The following CCAR1 variants were observed in gnomAD, a reference collection of about 807,000 sequenced individuals.
The protein encoded by CCAR1 is cell division cycle and apoptosis regulator protein 1.
In CCAR1, 78 loss-of-function variants were observed where a neutral mutation model predicts 163.8. The ratio of observed to expected loss-of-function variants is 0.48; its 90% CI spans 0.40 to 0.57. The LOEUF (loss-of-function observed/expected upper bound fraction) is 0.57, where lower values mean the gene tolerates loss of function less well. Among genes scored for constraint, CCAR1 ranks in the 20% least tolerant of loss-of-function variants. The probability of loss-of-function intolerance (pLI) is 0.00; values close to 1 mark genes in which losing one functional copy is unlikely to be tolerated. For missense variants in CCAR1, 1,019 were observed against 1,365.2 expected, an observed-to-expected ratio of 0.75 and a Z score of 4.00; for synonymous variants, 443 against 460.7, an observed-to-expected ratio of 0.96 and a Z score of 0.49.
chr10:68,724,612 A>G (rs1226383923), intron 2 of CCAR1, among the ~76,000 whole-genome samples: 1 of 151,950 alleles, frequency 6.6e-6, no homozygotes, highest in Non-Finnish European at 1.5e-5. Flanking sequence ...TTAAAGTTGA[A>G]AAACTACATT....
rs1564541740 is a variant in CCAR1, at chr10:68,758,649, A to ATATATATATATATGTATATATACACACG, written c.1920+1274_1920+1301dup. Among the ~76,000 whole-genome samples, 30 of 80,034 alleles carry ATATATATATATATGTATATATACACACG rather than the reference A, an allele frequency of 3.7e-4. 2 individuals carry two copies. The South Asian group carries it at 0.011, about 29-fold the overall frequency. 52.5% of individuals were successfully genotyped at this position (80,034 alleles called of 152,430 possible). On this transcript the variant is annotated intron_variant, in intron 15 of 24. Coordinates refer to ENST00000265872, the MANE Select transcript of CCAR1 (RefSeq NM_018237.4). ...TATATATGTATATATACACACGTGT[A>ATATATATATATATGTATATATACACACG]TATATATATATATGTATATATACAC...
At chr10:68,751,317 A>G (rs375589586) in intron 10 of CCAR1, among the ~76,000 whole-genome samples, 3 of 151,882 alleles carry the variant, frequency 2.0e-5, no homozygotes, top group Admixed American at 2.0e-4. Context: ...GTGAGCCACC[A>G]TGCCTGGCCC....
At chr10:68,748,226 C>T (rs900962958) in intron 8 of CCAR1, among the ~76,000 whole-genome samples, 3 of 152,144 alleles carry the variant, frequency 2.0e-5, no homozygotes, top group South Asian at 2.1e-4. Flanking sequence ...ACCGTAATCC[C>T]AGCACTTTTG....
At chr10:68,755,915 C>G (rs1589169725) in intron 13 of CCAR1, among the ~76,000 whole-genome samples, 1 of 152,276 alleles carries the variant, frequency 6.6e-6, no homozygotes, top group Middle Eastern at 3.4e-3. Context: ...CATATTTTCT[C>G]TTGAGGCTTA....
In CCAR1 at chr10:68,737,048, G is replaced by A; in HGVS notation, c.246G>A (p.Gln82=). ...CAGCTGCAGCAGCTGCATTACAACA[G>A]GTAAATCTTTAATATGTCTTATTAT... ...QAAAAAAALQ[Q]QYSQPQQALY... Residue 82 remains glutamine (Q), a splice_region_variant and synonymous_variant, in exon 3 of 25, where the codon CAG becomes CAA. Transcript: ENST00000265872. 1 of 1,607,862 alleles carries A rather than the reference G, an allele frequency of 6.2e-7. No homozygotes were observed. The highest frequency in any genetic ancestry group is 8.5e-7 in the Non-Finnish European group (1 of 1,175,446).
chr10:68,758,690 T>TA (rs199814228), intron 15 of CCAR1, among the ~76,000 whole-genome samples: 235 of 14,262 alleles, frequency 0.016, 2 homozygotes, highest in South Asian at 0.12. Context: ...TATATATATA[T>TA]TTTTTTTTTT....
chr10:68,727,306 A>G (rs1213958057), intron 2 of CCAR1, among the ~76,000 whole-genome samples: 2 of 151,850 alleles, frequency 1.3e-5, no homozygotes, highest in African/African-American at 4.8e-5. Flanking sequence ...TGAATTCCTG[A>G]GCTCAGACAA....
chr10:68,771,763 A>C (rs2133399329), intron 18 of CCAR1, among the ~76,000 whole-genome samples: 2 of 152,110 alleles, frequency 1.3e-5, no homozygotes, highest in Admixed American at 1.3e-4. Context: ...AGCCTGGGTG[A>C]CATAGCGAGA....
chr10:68,750,855 A>G (rs577489221), intron 10 of CCAR1, among the ~76,000 whole-genome samples: 1 of 152,294 alleles, frequency 6.6e-6, no homozygotes, highest in South Asian at 2.1e-4. Context: ...ATACTTGCCT[A>G]TCAGAGGTCA....
intron 4 of CCAR1, among the ~76,000 whole-genome samples, chr10:68,739,124 G>C (rs1487802057): frequency 6.6e-6 from 1 of 152,158 alleles, no homozygotes; most frequent in African/African-American, 2.4e-5. Flanking sequence ...ATATGCTTTA[G>C]TCTAAGCATG....
chr10:68,724,972 C>G, intron 2 of CCAR1, among the ~76,000 whole-genome samples: 1 of 152,008 alleles, frequency 6.6e-6, no homozygotes, highest in East Asian at 1.9e-4. Flanking sequence ...AACCCCGTCT[C>G]TACTAAAAAT....
At chr10:68,771,043 A>G (rs896569145) in intron 17 of CCAR1, among the ~76,000 whole-genome samples, 163 bp from the exon 18 acceptor site, 10 of 151,988 alleles carry the variant, frequency 6.6e-5, no homozygotes, top group Admixed American at 3.3e-4. Context: ...GTGCCGCTGC[A>G]CTCCAGCCTG....
rs144648961 is a variant in CCAR1, at chr10:68,742,522, A to G, written c.471A>G (p.Leu157=). ...QRVFTGVVTK[L]HDTFGFVDED... ...TTTTCACAGGGGTGGTTACAAAACT[A>G]CATGATACGTTTGGATTTGTGGATG... is the stretch of plus-strand genomic sequence containing the variant. Residue 157 remains leucine (L), a synonymous_variant, in exon 6 of 25, where the codon CTA becomes CTG. Coordinates refer to ENST00000265872, the MANE Select transcript of CCAR1 (RefSeq NM_018237.4). 3.1e-6 allele frequency: 5 copies of G among 1,614,194 alleles called. No individual in the cohort carries two copies. The East Asian group carries it at 8.9e-5, about 29-fold the overall frequency.
In CCAR1 at chr10:68,750,021, T is replaced by C. The variant is rs182053586; in HGVS notation, c.1118+336T>C. On this transcript the variant is annotated intron_variant, in intron 10 of 24. Transcript: ENST00000265872. ...TCCATTGTGTATGATAAAGCAATAA[T>C]AGAGTAGTAAACTGATTAATTTCAA... Among the ~76,000 whole-genome samples the C allele has an allele frequency of 2.8e-3, 420 of 152,168 alleles. 3 individuals are homozygous for C. The highest frequency in any genetic ancestry group is 9.4e-3 in the African/African-American group (392 of 41,524).
At chr10:68,760,265 A>G (rs1488791398) in intron 15 of CCAR1, among the ~76,000 whole-genome samples, 1 of 152,110 alleles carries the variant, frequency 6.6e-6, no homozygotes, top group Non-Finnish European at 1.5e-5. Flanking sequence ...TTCCCATCTC[A>G]GCCTCCCAAG....
Position 68,756,326 on chromosome 10 carries a change from G to A in CCAR1, c.1679G>A (p.Arg560His), listed in dbSNP as rs754996983. Residue 560 changes from arginine to histidine, a missense_variant, in exon 14 of 25, where the codon CGT becomes CAT. Coordinates refer to ENST00000265872, the MANE Select transcript of CCAR1 (RefSeq NM_018237.4). The surrounding 1 kb of genome is among the most constrained non-coding windows in gnomAD (Gnocchi z 5.1). ...YHRPEETHKGRTVPAHVETVV... is the reference protein window; with the variant it reads ...YHRPEETHKGHTVPAHVETVV... ...CGCCCTGAGGAGACCCACAAGGGGC[G>A]TACAGTTCCAGCTCATGTGGAGACA... The A allele has an allele frequency of 1.9e-6, 3 of 1,614,062 alleles. No individual in the cohort carries two copies. Among genetic ancestry groups the A allele is most frequent in the South Asian group, 1.1e-5 (1 of 91,082 alleles).
chr10:68,722,464 A>T lies in CCAR1; in HGVS notation c.-41A>T. On this transcript the variant is annotated 5_prime_UTR_variant, in exon 2 of 25. Coordinates refer to ENST00000265872, the MANE Select transcript of CCAR1 (RefSeq NM_018237.4). ...ATCCTTTTCTTGATAGATCGATGCT[A>T]TAGAAGACAAACAAGGGAAGGTTTT... is the stretch of plus-strand genomic sequence containing the variant. 1 of 1,502,596 alleles carries T rather than the reference A, an allele frequency of 6.7e-7. No individual in the cohort carries two copies. Among genetic ancestry groups the T allele is most frequent in the Non-Finnish European group, 9.3e-7 (1 of 1,078,358 alleles). 93.1% of individuals were successfully genotyped at this position (1,502,596 alleles called of 1,614,324 possible).
chr10:68,722,604 A>G (rs2055874934), intron 2 of CCAR1, 27 bp downstream of exon 2: 1 of 1,558,192 alleles, frequency 6.4e-7, no homozygotes, highest in Non-Finnish European at 8.9e-7. Context: ...CATGTACTGT[A>G]ATTGTTTGTG....
At chr10:68,777,573 G>T (rs2056681943) in intron 19 of CCAR1, among the ~76,000 whole-genome samples, 1 of 151,928 alleles carries the variant, frequency 6.6e-6, no homozygotes, top group South Asian at 2.1e-4. Context: ...AATCCCAGCT[G>T]CTCAAGAGGC....
Sources: gnomAD v4.1 joint callset for allele counts (sites outside exome capture counted in the v4.1 genomes callset) on GRCh38, gnomAD v4.1.1 for gene constraint, Gnocchi (gnomAD v3.1) non-coding constraint, MANE v1.5 for transcripts, NCBI Gene and HGNC (gene_info 2026-07-23, HGNC 2026-07-21) for gene names.